Variants in ZRANB3 observed in about 807,000 individuals in gnomAD.
The protein encoded by ZRANB3 is zinc finger RANBP2-type containing 3.
A neutral mutation model predicts 133.8 loss-of-function variants in ZRANB3; 125 were observed. The ratio of observed to expected loss-of-function variants is 0.93; its 90% confidence interval spans 0.81 to 1.08. The LOEUF (loss-of-function observed/expected upper bound fraction) is 1.08, where lower values mean the gene tolerates loss of function less well. ZRANB3 is among the 50% of genes least tolerant of loss of function. The probability of loss-of-function intolerance (pLI) is 0.00; values close to 1 mark genes in which losing one functional copy is unlikely to be tolerated. For synonymous variants in ZRANB3, 387 were observed against 432.7 expected (o/e 0.89, Z 1.31); for missense variants, 1,229 against 1,275.5 (o/e 0.96, Z 0.56).
At chr2:135,492,314 G>A (rs1440946743) in intron 2 of ZRANB3, among the ~76,000 whole-genome samples, 1 of 152,078 alleles carries the variant, frequency 6.6e-6, no homozygotes, top group Non-Finnish European at 1.5e-5. Context: ...TTATCTAAAG[G>A]TTTCAAAAAC....
At chr2:135,409,321 A>T (rs1688198866) in intron 2 of ZRANB3, among the ~76,000 whole-genome samples, 1 of 152,212 alleles carries the variant, frequency 6.6e-6, no homozygotes, top group Non-Finnish European at 1.5e-5. Flanking sequence ...ATTACATTTC[A>T]ACATGAAATT....
At chr2:135,204,650 A>AT (rs567942234) in intron 19 of ZRANB3, among the ~76,000 whole-genome samples, 1,652 of 141,732 alleles carry the variant, frequency 0.012, 35 homozygotes, top group African/African-American at 0.037. Flanking sequence ...AAAAAAAAAA[A>AT]ATATATATAT....
rs980236114 is a variant in ZRANB3, at chr2:135,467,279, A to G, written c.161+37050T>C. 5.3e-5 allele frequency among the ~76,000 whole-genome samples: 8 copies of G among 151,966 alleles called. 1 individual carries two copies. The highest frequency in any genetic ancestry group is 2.6e-4 in the Admixed American group (4 of 15,252). Reference sequence around the variant, plus strand: ...TCTCTCTTAAGACTCCCAAATACCAACCCCTCCTTGTCCATATCTACAGTT... The same window carrying G: ...TCTCTCTTAAGACTCCCAAATACCAGCCCCTCCTTGTCCATATCTACAGTT... On this transcript the variant is annotated intron_variant, in intron 2 of 20. Transcript: ENST00000264159.
intron 3 of ZRANB3, among the ~76,000 whole-genome samples, chr2:135,357,981 A>G (rs1412328503): frequency 1.3e-5 from 2 of 152,182 alleles, no homozygotes; most frequent in Non-Finnish European, 2.9e-5. Context: ...TTTAAAGGGC[A>G]AGTTTACTCA....
At chr2:135,449,505 A>G (rs1328840909) in intron 2 of ZRANB3, among the ~76,000 whole-genome samples, 1 of 152,138 alleles carries the variant, frequency 6.6e-6, no homozygotes, top group Non-Finnish European at 1.5e-5. Flanking sequence ...CTGTAATCCC[A>G]GCTACTCGGG....
rs201616507 is a variant in ZRANB3 at position 135,504,441 on chromosome 2, A to G, written c.49T>C (p.Cys17Arg). 2.7e-4 allele frequency: 434 copies of G among 1,613,720 alleles called. 2 individuals carry two copies. The East Asian group carries it at 6.7e-3, about 25-fold the overall frequency. Residue 17 changes from cysteine (C) to arginine (R), a missense_variant, in exon 2 of 21, where the codon TGT (cysteine) becomes CGT (arginine). Coordinates refer to ENST00000264159, the MANE Select transcript of ZRANB3 (RefSeq NM_032143.4). ...AGATTATCAGATTCATTTGTCACAC[A>G]AGAAATGTGAGGTGTAAGAGACTTT... ...IKKSLTPHIS[C>R]VTNESDNLLD... is the part of the protein sequence containing the mutation.
In ZRANB3 at chr2:135,204,649, A is replaced by AT. The variant is rs1693776774; in HGVS notation, c.3010-1687_3010-1686insA. On this transcript the variant is annotated intron_variant, in intron 19 of 20. Coordinates refer to ENST00000264159, the MANE Select transcript of ZRANB3 (RefSeq NM_032143.4). ...TCCCAGACCCAATCTCAAAAAAAAA[A>AT]AATATATATATATACATATATATAT... is the stretch of plus-strand genomic sequence containing the variant. Among the ~76,000 whole-genome samples, 6 of 138,008 alleles carry AT rather than the reference A, an allele frequency of 4.3e-5. No individual in the cohort carries two copies. In the South Asian group the frequency reaches 9.8e-4, roughly 22 times the overall value. The allele number at this position is 138,008 out of a possible 152,430, so 90.5% of individuals were successfully genotyped here. A position where few individuals can be genotyped will look rare whatever the true frequency, so the allele number is the denominator to read the frequency against.
intron 2 of ZRANB3, among the ~76,000 whole-genome samples, chr2:135,489,587 G>C (rs1027187562): frequency 3.3e-5 from 5 of 151,704 alleles, no homozygotes. Flanking sequence ...GGGAGCTATG[G>C]TCAAAAAGAT....
chr2:135,402,489 A>C (rs968089848), intron 2 of ZRANB3, among the ~76,000 whole-genome samples: 7 of 150,792 alleles, frequency 4.6e-5, no homozygotes, highest in African/African-American at 1.7e-4. Context: ...AGAGATGGGG[A>C]TTCACCGTGT....
chr2:135,308,980 C>G (rs565689632), intron 8 of ZRANB3, among the ~76,000 whole-genome samples: 89 of 140,022 alleles, frequency 6.4e-4, no homozygotes, highest in African/African-American at 2.2e-3. Context: ...GTAATAACAT[C>G]ATTTTTTTTT....
chr2:135,281,993 G>T (rs147557808), intron 8 of ZRANB3, among the ~76,000 whole-genome samples: 7 of 152,218 alleles, frequency 4.6e-5, no homozygotes, highest in African/African-American at 1.7e-4. Context: ...TTAACTTAGT[G>T]TAATGGTTTC....
At chr2:135,384,964 A>T (rs1349723415) in intron 3 of ZRANB3, among the ~76,000 whole-genome samples, 2 of 152,168 alleles carry the variant, frequency 1.3e-5, no homozygotes, top group African/African-American at 2.4e-5. Context: ...CACCACTCCT[A>T]TTCAACATAG....
chr2:135,483,676 C>T (rs1326328316), intron 2 of ZRANB3, among the ~76,000 whole-genome samples: 1 of 152,040 alleles, frequency 6.6e-6, no homozygotes, highest in African/African-American at 2.4e-5. Context: ...TTTGCTCTTG[C>T]TTTTCTAGTT....
At chr2:135,255,878 A>C (rs1196184075) in intron 12 of ZRANB3, among the ~76,000 whole-genome samples, 1 of 151,458 alleles carries the variant, frequency 6.6e-6, no homozygotes, top group Non-Finnish European at 1.5e-5. Context: ...AACAAAAAAA[A>C]CCCAATCAGA....
At chr2:135,248,585 A>T (rs979778937) in intron 12 of ZRANB3, among the ~76,000 whole-genome samples, 1 of 152,188 alleles carries the variant, frequency 6.6e-6, no homozygotes, top group East Asian at 1.9e-4. Flanking sequence ...ACAAATTTAC[A>T]AGAGAAAAAC....
At chr2:135,364,305 C>T (rs551346206) in intron 3 of ZRANB3, among the ~76,000 whole-genome samples, 7 of 152,136 alleles carry the variant, frequency 4.6e-5, no homozygotes, top group South Asian at 2.1e-4. Context: ...GATAAAAACA[C>T]GAAAAACACT....
chr2:135,459,622 A>C (rs535069412), intron 2 of ZRANB3, among the ~76,000 whole-genome samples: 1 of 152,306 alleles, frequency 6.6e-6, no homozygotes, highest in East Asian at 1.9e-4. Flanking sequence ...GAAAAACATA[A>C]AGGTCTAAAA....
At chr2:135,262,552 TG>T (rs1204853341) in intron 12 of ZRANB3, among the ~76,000 whole-genome samples, 1 of 151,886 alleles carries the variant, frequency 6.6e-6, no homozygotes, top group Non-Finnish European at 1.5e-5. Context: ...GAGGCAGAGG[TG>T]GGAGGATTGC....
At chr2:135,365,886 C>T (rs886983727) in intron 3 of ZRANB3, among the ~76,000 whole-genome samples, 1 of 152,152 alleles carries the variant, frequency 6.6e-6, no homozygotes, top group Non-Finnish European at 1.5e-5. Flanking sequence ...TATTGAAATT[C>T]AGACTAGTAT....
Sources: gnomAD v4.1 joint callset for allele counts (sites outside exome capture counted in the v4.1 genomes callset) on GRCh38, gnomAD v4.1.1 for gene constraint, MANE v1.5 for transcripts, NCBI Gene and HGNC (gene_info 2026-07-23, HGNC 2026-07-21) for gene names.